Variants in DCLK2 observed in about 807,000 individuals in gnomAD.
DCLK2 encodes doublecortin like kinase 2.
Under a neutral mutation model 78.4 loss-of-function variants are expected in DCLK2, and 31 were observed. That is an observed-to-expected ratio of 0.40 (90% CI 0.30 to 0.53). The LOEUF (loss-of-function observed/expected upper bound fraction) is 0.53, where lower values mean the gene tolerates loss of function less well. Among genes scored for constraint, DCLK2 ranks in the 20% least tolerant of loss-of-function variants. DCLK2 has a pLI of 0.61. For missense variants in DCLK2, 872 were observed against 973.7 expected, an observed-to-expected ratio of 0.90 and a Z score of 1.39; for synonymous variants, 407 against 374.9, an observed-to-expected ratio of 1.09 and a Z score of -0.99.
chr4:150,177,831 T>C (rs991690077), intron 2 of DCLK2, among the ~76,000 whole-genome samples: 12 of 152,198 alleles, frequency 7.9e-5, no homozygotes, highest in African/African-American at 2.9e-4. Context: ...CTCTATAATA[T>C]GAGGTCTGAA....
chr4:150,216,427 C>T (rs952925997), intron 5 of DCLK2, among the ~76,000 whole-genome samples: 1 of 152,172 alleles, frequency 6.6e-6, no homozygotes, highest in African/African-American at 2.4e-5. Flanking sequence ...CTCTTGAGGT[C>T]AGGAGTTCGA....
intron 8 of DCLK2, among the ~76,000 whole-genome samples, chr4:150,227,279 A>C (rs1741693170): frequency 6.6e-6 from 1 of 152,236 alleles, no homozygotes; most frequent in Non-Finnish European, 1.5e-5. Context: ...GTTCATCCTT[A>C]ATATACACAG....
chr4:150,174,445 T>C (rs1291147280), intron 2 of DCLK2, among the ~76,000 whole-genome samples: 1 of 152,182 alleles, frequency 6.6e-6, no homozygotes, highest in Non-Finnish European at 1.5e-5. Context: ...ACTCCCAGAC[T>C]AATGTTTGTC....
intron 2 of DCLK2, among the ~76,000 whole-genome samples, chr4:150,137,430 T>G (rs1733775100): frequency 6.6e-6 from 1 of 152,070 alleles, no homozygotes; most frequent in South Asian, 2.1e-4. Context: ...AGACAAATGG[T>G]CAAACTCTTG....
chr4:150,250,777 A>C lies in DCLK2; in HGVS notation c.2073+1093A>C, dbSNP rs556089840. Reference sequence around the variant, plus strand: ...AAACAGTGGCATATTCTCATGGTACATGGTTGTCTGAGAGCCTTACCTAGG... The same window carrying C: ...AAACAGTGGCATATTCTCATGGTACCTGGTTGTCTGAGAGCCTTACCTAGG... On this transcript the variant is annotated intron_variant, in intron 15 of 15. Coordinates refer to ENST00000296550, the MANE Select transcript of DCLK2 (RefSeq NM_001040260.4). Among the ~76,000 whole-genome samples the C allele has an allele frequency of 3.8e-3, 581 of 151,476 alleles. 2 individuals are homozygous for C. The highest frequency in any genetic ancestry group is 6.7e-3 in the Non-Finnish European group (452 of 67,796).
Position 150,079,350 on chromosome 4 carries a change from G to A in DCLK2, c.323G>A (p.Arg108His), listed in dbSNP as rs1431705908. The change falls in exon 1 of 16, where the codon CGC (arginine) becomes CAC (histidine). Residue 108 changes from arginine to histidine, a missense_variant. Around this residue, in one of 3 missense-constraint regions of DCLK2, gnomAD observed 567 missense variants for 593.4 expected, o/e 0.96. Coordinates refer to ENST00000296550, the MANE Select transcript of DCLK2 (RefSeq NM_001040260.4). The part of the protein sequence containing the change: ...SFDALLIELT[R>H]SLSDNVNLPQ... ...GATGCGCTCCTCATAGAGCTCACCC[G>A]CTCCCTGTCGGACAACGTGAACCTG... 1.3e-6 allele frequency: 2 copies of A among 1,587,410 alleles called. No individual in the cohort carries two copies. Among genetic ancestry groups the A allele is most frequent in the Non-Finnish European group, 1.7e-6 (2 of 1,166,956 alleles).
rs564672253 is a variant in DCLK2, at chr4:150,142,628, GA to G, written c.756+39817del. Among the ~76,000 whole-genome samples, 3 of 152,208 alleles carry G rather than the reference GA, an allele frequency of 2.0e-5. No individual in the cohort carries two copies. The South Asian group carries it at 6.2e-4, about 32-fold the overall frequency. ...TGGAATCTGTTCTGGAGTTAACAATGAGCTAAGGTTTGGAGGAAATAATATA... is the reference window on the plus strand; with the variant it reads ...TGGAATCTGTTCTGGAGTTAACAATGGCTAAGGTTTGGAGGAAATAATATA... On this transcript the variant is annotated intron_variant, in intron 2 of 15. Transcript: ENST00000296550.
intron 2 of DCLK2, among the ~76,000 whole-genome samples, chr4:150,120,209 AT>A (rs1481410459): frequency 6.6e-6 from 1 of 152,178 alleles, no homozygotes; most frequent in Non-Finnish European, 1.5e-5. Context: ...CAGCTTTCTA[AT>A]TTTGTAAATG....
chr4:150,193,248 A>G lies in DCLK2; in HGVS notation c.859+8A>G. 1 of 1,558,414 alleles carries G rather than the reference A, an allele frequency of 6.4e-7. No homozygotes were observed. Among genetic ancestry groups the G allele is most frequent in the Non-Finnish European group, 8.8e-7 (1 of 1,135,036 alleles). On this transcript the variant is annotated splice_region_variant and intron_variant, in intron 3 of 15. Transcript: ENST00000296550. ...TTGTCCTGGATCATAGTGGTAAGGC[A>G]ATTCTTCAGCTAATTCATTTTTCCA...
At chr4:150,113,251 G>A (rs2150170049) in intron 2 of DCLK2, among the ~76,000 whole-genome samples, 1 of 152,218 alleles carries the variant, frequency 6.6e-6, no homozygotes, top group South Asian at 2.1e-4. Context: ...GCTAGTACTG[G>A]GTTAATGGAA....
Position 150,198,040 on chromosome 4 carries a change from G to C in DCLK2, c.898G>C (p.Ala300Pro), listed in dbSNP as rs761308197. The change falls in exon 4 of 16, where the codon GCT becomes CCT. Residue 300 changes from alanine (A) to proline (P), a missense_variant. This residue lies in a region of DCLK2 where 567 missense variants were observed against 593.4 expected (regional missense o/e 0.96). Transcript: ENST00000296550. ...GAAGTCATCTTATTCTCGATCCTCA[G>C]CTGTTAAGTATTCTGGATCCAAAAG... is the stretch of plus-strand genomic sequence containing the variant. ...VLKSSYSRSS[A>P]VKYSGSKSPG... 5.0e-6 allele frequency: 8 copies of C among 1,613,698 alleles called. No individual in the cohort carries two copies. Among genetic ancestry groups the C allele is most frequent in the Non-Finnish European group, 6.8e-6 (8 of 1,179,912 alleles).
At chr4:150,222,003 T>TA (rs1414769943) in intron 7 of DCLK2, among the ~76,000 whole-genome samples, 21 of 151,636 alleles carry the variant, frequency 1.4e-4, no homozygotes, top group South Asian at 4.2e-4. Context: ...TTTATTTATT[T>TA]AAAAAAAAGG....
chr4:150,252,223 TAC>T (rs1303982255), intron 15 of DCLK2, among the ~76,000 whole-genome samples: 1 of 152,214 alleles, frequency 6.6e-6, no homozygotes, highest in Non-Finnish European at 1.5e-5. Context: ...GGCTCAGTGG[TAC>T]ACAGTCTTGC....
chr4:150,194,022 GACACACACACACACACACACACAC>G (rs58179559), intron 3 of DCLK2, among the ~76,000 whole-genome samples: 11 of 133,872 alleles, frequency 8.2e-5, no homozygotes, highest in African/African-American at 2.3e-4. Flanking sequence ...AAAGTGCTGG[GACACACACACACACACACACACAC>G]ACACACACAC....
chr4:150,124,252 C>T (rs931304530), intron 2 of DCLK2, among the ~76,000 whole-genome samples: 1 of 152,134 alleles, frequency 6.6e-6, no homozygotes, highest in African/African-American at 2.4e-5. Context: ...AGCGATGAAG[C>T]AACGCCCACC....
At position 150,198,090 on chromosome 4, in the gene DCLK2, A is replaced by G. The variant is rs1435489643; in HGVS notation, c.948A>G (p.Lys316=). 13 of 1,613,474 alleles carry G rather than the reference A, an allele frequency of 8.1e-6. No homozygotes were observed. Among genetic ancestry groups the G allele is most frequent in the Non-Finnish European group, 1.1e-5 (13 of 1,179,766 alleles). Residue 316 remains lysine (K), a synonymous_variant, in exon 4 of 16, where the codon AAA becomes AAG. Transcript: ENST00000296550. Reference sequence around the variant, plus strand: ...GCCCTGGGCCCTCTCGACGCAGCAAATCACCAGCTTCAGGTAGTTAATGGA... The same window carrying G: ...GCCCTGGGCCCTCTCGACGCAGCAAGTCACCAGCTTCAGGTAGTTAATGGA... ...SKSPGPSRRS[K]SPASVNGTPS...
At position 150,190,290 on chromosome 4, in the gene DCLK2, GATA is replaced by G. The variant is rs1560851126; in HGVS notation, c.757-2847_757-2845del. 2.6e-3 allele frequency among the ~76,000 whole-genome samples: 383 copies of G among 147,364 alleles called. 3 individuals are homozygous for G. The highest frequency in any genetic ancestry group is 9.8e-3 in the African/African-American group (365 of 37,166). On this transcript the variant is annotated intron_variant, in intron 2 of 15. Coordinates refer to ENST00000296550, the MANE Select transcript of DCLK2 (RefSeq NM_001040260.4). ...AGATAGATAGATAGATAGATAGATA[GATA>G]GATAGGCAGACAGACAGACAGACGG...
At chr4:150,170,406 G>A (rs963316524) in intron 2 of DCLK2, among the ~76,000 whole-genome samples, 4 of 152,140 alleles carry the variant, frequency 2.6e-5, no homozygotes, top group Admixed American at 6.5e-5. Context: ...TAGCTGGGGC[G>A]AGGATAAGGT....
At chr4:150,239,901 G>A in intron 11 of DCLK2, 26 bp downstream of exon 11, 1 of 1,510,724 alleles carries the variant, frequency 6.6e-7, no homozygotes, top group East Asian at 2.6e-5. Flanking sequence ...GCCCTGGTTA[G>A]TACTTTAACT....
Sources: allele counts gnomAD v4.1 joint callset (sites outside exome capture counted in the v4.1 genomes callset), GRCh38; gene constraint gnomAD v4.1.1; regional missense constraint gnomAD v4.1.1; transcripts MANE v1.5; gene names NCBI Gene and HGNC (gene_info 2026-07-23, HGNC 2026-07-21).